Variants in NREP observed in about 807,000 individuals in gnomAD.
The protein encoded by NREP is neuronal regeneration-related protein.
Under a neutral mutation model 8.6 loss-of-function variants are expected in NREP, and 5 were observed. That is an observed-to-expected ratio of 0.58 (90% CI 0.30 to 1.22). The LOEUF (loss-of-function observed/expected upper bound fraction) is 1.22. Among genes scored for constraint, NREP ranks in the 50% most tolerant of loss-of-function variants. The pLI is 0.07. For synonymous variants in NREP, 27 were observed against 28.0 expected, an observed-to-expected ratio of 0.96 and a Z score of 0.11; for missense variants, 86 against 82.5, an observed-to-expected ratio of 1.04 and a Z score of -0.17.
At chr5:111,913,414 T>C (rs1035932378) in intron 2 of NREP, among the ~76,000 whole-genome samples, 2 of 152,124 alleles carry the variant, frequency 1.3e-5, no homozygotes, top group Non-Finnish European at 2.9e-5. Flanking sequence ...AGCTGTTTCC[T>C]AGCAGAAGAA....
rs116381621 is a variant in NREP at position 111,842,968 on chromosome 5, C to T, written c.136-107461G>A. Among the ~76,000 whole-genome samples the T allele has an allele frequency of 4.0e-3, 608 of 152,208 alleles. 2 individuals carry two copies. The highest frequency in any genetic ancestry group is 0.013 in the African/African-American group (534 of 41,532). ...TTTGTGCGACAAGTTGCTTTTCTCT[C>T]GCTAAAATTCTCTGTCTTTGGCAAA... On this transcript the variant is annotated intron_variant, in intron 2 of 3. Coordinates refer to the NREP transcript ENST00000395634.
intron 2 of NREP, among the ~76,000 whole-genome samples, chr5:111,946,650 CT>C (rs1561361645): frequency 6.6e-6 from 1 of 151,952 alleles, no homozygotes; most frequent in South Asian, 2.1e-4. Flanking sequence ...ATCAGGGCCT[CT>C]TTTTAAGAGG....
At chr5:111,934,185 G>T (rs1755620041) in intron 2 of NREP, among the ~76,000 whole-genome samples, 1 of 152,050 alleles carries the variant, frequency 6.6e-6, no homozygotes, top group African/African-American at 2.4e-5. Flanking sequence ...GTTGTAAGGT[G>T]AATGTTGTCT....
chr5:111,736,814 T>C (rs747839361), intron 2 of NREP, among the ~76,000 whole-genome samples: 12 of 152,158 alleles, frequency 7.9e-5, no homozygotes, highest in South Asian at 2.1e-4. Context: ...AATGAAGAAA[T>C]TGAAACTCAA....
chr5:111,879,075 C>T (rs985762896), intron 2 of NREP, among the ~76,000 whole-genome samples: 1 of 152,200 alleles, frequency 6.6e-6, no homozygotes, highest in Non-Finnish European at 1.5e-5. Flanking sequence ...GTGCCTTCCG[C>T]ATAGTAATGA....
intron 2 of NREP, among the ~76,000 whole-genome samples, chr5:111,888,704 A>G (rs1390929594): frequency 1.3e-5 from 2 of 152,188 alleles, no homozygotes; most frequent in Non-Finnish European, 2.9e-5. Flanking sequence ...TTGCTAGAAA[A>G]GTCTTTTCCA....
At chr5:111,817,703 G>A (rs1231053746) in intron 2 of NREP, among the ~76,000 whole-genome samples, 1 of 151,022 alleles carries the variant, frequency 6.6e-6, no homozygotes, top group Non-Finnish European at 1.5e-5. Context: ...TACTCGGGAG[G>A]CTGAGGCAGG....
intron 2 of NREP, among the ~76,000 whole-genome samples, chr5:111,896,530 G>A (rs804495): frequency 0.99 from 150,048 of 152,292 alleles, 73,967 homozygotes; most frequent in East Asian, 1. Flanking sequence ...ATATAAAAAC[G>A]ACTAATATCC....
At chr5:111,897,368 C>G (rs1754535914) in intron 2 of NREP, among the ~76,000 whole-genome samples, 1 of 152,168 alleles carries the variant, frequency 6.6e-6, no homozygotes. Flanking sequence ...TTCTACAAGG[C>G]AACTCACACT....
rs1325516812 is a variant in NREP, at chr5:111,926,790, C to T, written c.135+48484G>A. 4.6e-5 allele frequency among the ~76,000 whole-genome samples: 7 copies of T among 151,940 alleles called. No homozygotes were observed. In the East Asian group the frequency reaches 1.4e-3, roughly 30 times the overall value. ...GTGTAGAGGAAGACAGTGGGGGCTT[C>T]CCCACTACTATTCTCCTTCCTTTGT... On this transcript the variant is annotated intron_variant, in intron 2 of 3. Transcript: ENST00000395634.
intron 2 of NREP, among the ~76,000 whole-genome samples, chr5:111,964,870 A>AT (rs1756593466): frequency 9.0e-6 from 1 of 111,128 alleles, no homozygotes; most frequent in African/African-American, 5.7e-5. Context: ...AAAAAAAAAA[A>AT]AAAAAAAAAA....
At chr5:111,757,364 G>C, upstream of NREP, 1 of 930,726 alleles carries the variant, frequency 1.1e-6, no homozygotes, top group Non-Finnish European at 1.3e-6. Flanking sequence ...AGGAGGAGGA[G>C]ATCATCTCCC....
At chr5:111,767,658 T>C (rs1751117701) in intron 2 of NREP, among the ~76,000 whole-genome samples, 1 of 152,072 alleles carries the variant, frequency 6.6e-6, no homozygotes, top group Non-Finnish European at 1.5e-5. Context: ...TTATGGCTGC[T>C]TTTTGGTTGT....
At chr5:111,818,998 T>C (rs937110819) in intron 2 of NREP, among the ~76,000 whole-genome samples, 1 of 152,208 alleles carries the variant, frequency 6.6e-6, no homozygotes, top group Non-Finnish European at 1.5e-5. Flanking sequence ...TTGTTAGATA[T>C]AGTGAACTCC....
chr5:111,860,027 A>G (rs1035246405), intron 2 of NREP, among the ~76,000 whole-genome samples: 9 of 152,148 alleles, frequency 5.9e-5, no homozygotes, highest in Admixed American at 5.9e-4. Context: ...CTCTTATTAC[A>G]TGCAAGTTGC....
At chr5:111,777,202 T>C (rs74895949) in intron 2 of NREP, among the ~76,000 whole-genome samples, 6,124 of 152,256 alleles carry the variant, frequency 0.04, 179 homozygotes, top group Middle Eastern at 0.1. Context: ...CTTCTATGGA[T>C]GGTACATAAT....
chr5:111,976,027 A>G (rs894316196), intron 1 of NREP, among the ~76,000 whole-genome samples: 1 of 152,168 alleles, frequency 6.6e-6, no homozygotes, highest in Middle Eastern at 3.2e-3. Context: ...AAACCTTTTT[A>G]TAATGATAAT....
intron 2 of NREP, among the ~76,000 whole-genome samples, chr5:111,793,312 T>C (rs944880696): frequency 1.2e-4 from 19 of 152,030 alleles, no homozygotes; most frequent in Non-Finnish European, 1.5e-5. Context: ...ATCTGCAAGC[T>C]GGAGAACGAG....
intron 2 of NREP, among the ~76,000 whole-genome samples, chr5:111,923,583 G>T (rs532089412): frequency 6.6e-6 from 1 of 152,164 alleles, no homozygotes. Context: ...ATTATGTGGG[G>T]TATAAACAGT....
Sources: allele counts gnomAD v4.1 joint callset (sites outside exome capture counted in the v4.1 genomes callset), GRCh38; gene constraint gnomAD v4.1.1; transcripts MANE v1.5; gene names NCBI Gene and HGNC (gene_info 2026-07-23, HGNC 2026-07-21).